Variants in VSX2 observed in about 807,000 individuals in gnomAD.
The protein encoded by VSX2 is visual system homeobox 2.
In VSX2, 28 loss-of-function variants were observed where a neutral mutation model predicts 32.1. The observed-to-expected ratio is 0.87, with a 90% CI of 0.65 to 1.20. VSX2 has a LOEUF of 1.20. Among genes scored for constraint, VSX2 ranks in the 50% most tolerant of loss-of-function variants. The pLI, the probability that VSX2 is intolerant of heterozygous loss-of-function variation, is 0.00. For missense variants in VSX2, 506 were observed against 488.7 expected (o/e 1.04, Z -0.33); for synonymous variants, 243 against 214.1 (o/e 1.14, Z -1.18).
intron 3 of VSX2, among the ~76,000 whole-genome samples, chr14:74,247,800 T>A (rs1400544601): frequency 3.4e-5 from 5 of 145,526 alleles, no homozygotes; most frequent in Non-Finnish European, 3.0e-5. Context: ...AGGCACTGTT[T>A]AAAAAAAAAA....
chr14:74,241,222 A>G lies in VSX2; in HGVS notation c.411A>G (p.Lys137=), dbSNP rs774009999. The change falls in exon 2 of 5, where the codon AAA becomes AAG. Residue 137 remains lysine (K), a synonymous_variant. Transcript: ENST00000261980. ...DVSSSDRKMS[K]SALNQTKKRK... ...CCTCCAGCGATCGAAAAATGTCCAA[A>G]TCTGCTTTAAACCAGACCAAGAAAC... The G allele has an allele frequency of 6.2e-6, 10 of 1,613,316 alleles. No homozygotes were observed. The East Asian group carries it at 2.2e-4, about 36-fold the overall frequency.
intron 2 of VSX2, among the ~76,000 whole-genome samples, chr14:74,244,929 T>TGTGTGAGAGAGAGAGA (rs1555387789): frequency 1.0e-4 from 4 of 38,912 alleles, no homozygotes; most frequent in African/African-American, 2.2e-4. Context: ...TGTGTGTGTG[T>TGTGTGAGAGAGAGAGA]GAAAGAGAGA....
chr14:74,249,072 G>A lies in VSX2; in HGVS notation c.579+3784G>A, dbSNP rs368847478. Reference sequence around the variant, plus strand: ...TCTGATGAGAACCTGCGATGTAGACGCGGAAAGGCAGACACACCTACTTCC... The same window carrying A: ...TCTGATGAGAACCTGCGATGTAGACACGGAAAGGCAGACACACCTACTTCC... On this transcript the variant is annotated intron_variant, in intron 3 of 4. Transcript: ENST00000261980. Among the ~76,000 whole-genome samples the A allele has an allele frequency of 3.9e-5, 6 of 152,352 alleles. No individual in the cohort carries two copies. The South Asian group carries it at 6.2e-4, about 16-fold the overall frequency.
rs1244758178 is a variant in VSX2 at position 74,239,529 on chromosome 14, C to T, written c.-33C>T. On this transcript the variant is annotated 5_prime_UTR_variant, in exon 1 of 5. Transcript: ENST00000261980. ...GCGGGGGGGTGGGGGGAGCTAAAGA[C>T]CTGCGGCCTCAGCCCCTCCAAAGAA... The T allele has an allele frequency of 1.3e-6, 2 of 1,550,218 alleles. No homozygotes were observed. The highest frequency in any genetic ancestry group is 4.9e-5 in the East Asian group (2 of 40,906).
intron 3 of VSX2, among the ~76,000 whole-genome samples, chr14:74,254,802 C>T (rs889729776): frequency 1.9e-4 from 7 of 37,650 alleles, no homozygotes; most frequent in Admixed American, 9.6e-4. Context: ...TTTTTTGAGA[C>T]GCAGTCTTGC....
chr14:74,244,622 G>T (rs1375585461), intron 2 of VSX2, among the ~76,000 whole-genome samples: 1 of 152,088 alleles, frequency 6.6e-6, no homozygotes, highest in Non-Finnish European at 1.5e-5. Flanking sequence ...AGCTGGTCTG[G>T]GTGGAGCTGG....
At chr14:74,244,913 T>A (rs1433692080) in intron 2 of VSX2, among the ~76,000 whole-genome samples, 5 of 59,218 alleles carry the variant, frequency 8.4e-5, no homozygotes, top group Non-Finnish European at 2.0e-4. Flanking sequence ...TGTGTGTGTG[T>A]GTGTGTGTGT....
Position 74,239,686 on chromosome 14 carries a change from A to C in VSX2, c.125A>C (p.Lys42Thr), listed in dbSNP as rs1281038058. 6.5e-7 allele frequency: 1 copy of C among 1,550,108 alleles called. No individual in the cohort carries two copies. The highest frequency in any genetic ancestry group is 2.0e-5 in the Admixed American group (1 of 50,994). Residue 42 changes from lysine to threonine, a missense_variant, in exon 1 of 5, where the codon AAG (lysine) becomes ACG (threonine). Coordinates refer to ENST00000261980, the MANE Select transcript of VSX2 (RefSeq NM_182894.3). ...FGIQEILGLN[K>T]EPPSSHPRAA... ...ATCCAGGAGATCCTGGGCTTGAACA[A>C]GGAGCCCCCGAGCTCCCACCCGCGG...
chr14:74,258,480 C>A (rs969879882), intron 3 of VSX2, among the ~76,000 whole-genome samples: 4 of 152,146 alleles, frequency 2.6e-5, no homozygotes, highest in African/African-American at 9.7e-5. Flanking sequence ...CCAAGCCCGC[C>A]TCGGTCCTCC....
chr14:74,241,644 C>A (rs1395186988), intron 2 of VSX2, among the ~76,000 whole-genome samples: 1 of 152,248 alleles, frequency 6.6e-6, no homozygotes, highest in African/African-American at 2.4e-5. Flanking sequence ...CCTGCCAGAG[C>A]CGGTTCTTTG....
chr14:74,254,053 G>C (rs1427683793), intron 3 of VSX2, among the ~76,000 whole-genome samples: 2 of 152,238 alleles, frequency 1.3e-5, no homozygotes, highest in Non-Finnish European at 2.9e-5. Flanking sequence ...CACTCACAGG[G>C]AGTATGGGCA....
intron 3 of VSX2, among the ~76,000 whole-genome samples, chr14:74,246,544 C>T (rs2139635212): frequency 6.6e-6 from 1 of 152,344 alleles, no homozygotes; most frequent in South Asian, 2.1e-4. Context: ...GGCCTGGACC[C>T]ATTACCCTCC....
At chr14:74,260,504 A>G in intron 4 of VSX2, 90 bp from the exon 5 acceptor site, 1 of 1,311,618 alleles carries the variant, frequency 7.6e-7, no homozygotes, top group South Asian at 1.3e-5. Flanking sequence ...CTCGTCCTTA[A>G]TTCTGGCCTC....
intron 2 of VSX2, among the ~76,000 whole-genome samples, chr14:74,244,269 G>A (rs1488804534): frequency 3.3e-5 from 5 of 152,190 alleles, no homozygotes; most frequent in African/African-American, 4.8e-5. Flanking sequence ...TTGGGGGTGG[G>A]GAACTGTGCC....
Position 74,255,029 on chromosome 14 carries a change from C to T in VSX2, c.580-4573C>T, listed in dbSNP as rs188908650. Among the ~76,000 whole-genome samples, 1,493 of 152,142 alleles carry T rather than the reference C, an allele frequency of 9.8e-3. 14 individuals carry two copies. The highest frequency in any genetic ancestry group is 0.018 in the Non-Finnish European group (1,205 of 67,998). On this transcript the variant is annotated intron_variant, in intron 3 of 4. Transcript: ENST00000261980. ...TCTCCTGACCTTGTGATCCACCCAC[C>T]TCGGCCTCCCAAAGTGCTGGGATTA...
chr14:74,255,999 T>G (rs1471452746), intron 3 of VSX2, among the ~76,000 whole-genome samples: 1 of 152,230 alleles, frequency 6.6e-6, no homozygotes, highest in East Asian at 1.9e-4. Context: ...GGACATTATG[T>G]TACTGTGGTT....
At chr14:74,244,124 C>A (rs2079168705) in intron 2 of VSX2, among the ~76,000 whole-genome samples, 1 of 152,184 alleles carries the variant, frequency 6.6e-6, no homozygotes, top group Non-Finnish European at 1.5e-5. Flanking sequence ...ACCTATGAAT[C>A]CCCTAATGTT....
chr14:74,245,004 G>C lies in VSX2; in HGVS notation c.456-161G>C, dbSNP rs973535562. On this transcript the variant is annotated intron_variant, in intron 2 of 4. Coordinates refer to ENST00000261980, the MANE Select transcript of VSX2 (RefSeq NM_182894.3). ...TGTGAGAGAGAGAGAGAGAGAGAGA[G>C]AGACAGAGAGAGAGAGAGAGAGAGA... Among the ~76,000 whole-genome samples the C allele has an allele frequency of 0.01, 1,326 of 128,100 alleles. 99 individuals are homozygous for C. The highest frequency in any genetic ancestry group is 0.054 in the Admixed American group (662 of 12,306). 84.0% of individuals were successfully genotyped at this position (128,100 alleles called of 152,430 possible).
At chr14:74,244,969 TGTGTGTGTGTGTGA>T (rs1266645678) in intron 2 of VSX2, among the ~76,000 whole-genome samples, 182 bp from the exon 3 acceptor site, 8 of 81,830 alleles carry the variant, frequency 9.8e-5, no homozygotes, top group African/African-American at 3.0e-4. Context: ...TGTGTGTGTG[TGTGTGTGTGTGTGA>T]GAGAGAGAGA....
Sources: gnomAD v4.1 joint callset for allele counts (sites outside exome capture counted in the v4.1 genomes callset) on GRCh38, gnomAD v4.1.1 for gene constraint, MANE v1.5 for transcripts, NCBI Gene and HGNC (gene_info 2026-07-23, HGNC 2026-07-21) for gene names.